The following NXPE1 variants were observed in gnomAD, a reference collection of about 807,000 sequenced individuals.
NXPE1 encodes the protein neurexophilin and PC-esterase domain family member 1.
Under a neutral mutation model 33.3 loss-of-function variants are expected in NXPE1, and 31 were observed. The observed-to-expected ratio is 0.93, with a 90% CI of 0.70 to 1.26. NXPE1 has a LOEUF of 1.26. Ranked by LOEUF, NXPE1 falls within the 50% of genes most tolerant of loss-of-function variation. The pLI, the probability that NXPE1 is intolerant of heterozygous loss-of-function variation, is 0.00. For missense variants in NXPE1, 661 were observed against 655.6 expected (o/e 1.01, Z -0.09); for synonymous variants, 229 against 231.4 (o/e 0.99, Z 0.09).
Position 114,526,282 on chromosome 11 carries a change from T to A in NXPE1, c.895+1558A>T, listed in dbSNP as rs200937910. ...ATCTGGACTACAGACTATAAGATGATATATTTTTGTTTTTTAAAGCCACTT... is the reference window on the plus strand; with the variant it reads ...ATCTGGACTACAGACTATAAGATGAAATATTTTTGTTTTTTAAAGCCACTT... On this transcript the variant is annotated intron_variant, in intron 7 of 8. Transcript: ENST00000534921. Among the ~76,000 whole-genome samples, 35 of 152,296 alleles carry A rather than the reference T, an allele frequency of 2.3e-4. No individual in the cohort carries two copies. The East Asian group carries it at 5.4e-3, about 23-fold the overall frequency.
At chr11:114,535,078 A>T (rs1947752205) in intron 5 of NXPE1, among the ~76,000 whole-genome samples, 1 of 152,210 alleles carries the variant, frequency 6.6e-6, no homozygotes, top group Non-Finnish European at 1.5e-5. Context: ...CTAACAGCTG[A>T]TCTCTTGCCA....
intron 5 of NXPE1, among the ~76,000 whole-genome samples, 188 bp from the exon 6 acceptor site, chr11:114,531,096 T>G (rs190466407): frequency 2.0e-5 from 3 of 151,812 alleles, no homozygotes; most frequent in Admixed American, 2.0e-4. Flanking sequence ...AATGAGATAT[T>G]ATGATGATGA....
At chr11:114,537,887 C>G (rs1234912545) in intron 5 of NXPE1, among the ~76,000 whole-genome samples, 1 of 152,082 alleles carries the variant, frequency 6.6e-6, no homozygotes, top group Non-Finnish European at 1.5e-5. Context: ...ATGCCATCCC[C>G]ATCAAGCTAC....
chr11:114,541,309 CAT>C (rs1391507407), intron 5 of NXPE1, among the ~76,000 whole-genome samples: 2 of 152,140 alleles, frequency 1.3e-5, no homozygotes, highest in African/African-American at 4.8e-5. Context: ...CCTGAGATAA[CAT>C]AGATGTTGGC....
intron 1 of NXPE1, chr11:114,554,430 G>A (rs1948602129): frequency 1.0e-6 from 1 of 957,850 alleles, no homozygotes. Context: ...AACATTCTTT[G>A]TGACATGGGC....
At chr11:114,548,092 A>C (rs149524435) in intron 5 of NXPE1, among the ~76,000 whole-genome samples, 242 of 152,306 alleles carry the variant, frequency 1.6e-3, no homozygotes, top group African/African-American at 5.4e-3. Context: ...AAAAGTATTA[A>C]GAGATGAAGC....
chr11:114,554,514 A>G (rs1948603669), intron 1 of NXPE1: 1 of 338,246 alleles, frequency 3.0e-6, no homozygotes, highest in Non-Finnish European at 4.2e-6. Context: ...ACAAAAGCCA[A>G]TTATACTGAG....
intron 5 of NXPE1, among the ~76,000 whole-genome samples, chr11:114,533,060 C>T (rs1342235922): frequency 6.6e-6 from 1 of 152,014 alleles, no homozygotes; most frequent in Non-Finnish European, 1.5e-5. Flanking sequence ...AATTAATGTT[C>T]AACATAACGT....
chr11:114,519,422 T>C (rs535315390), downstream of NXPE1, among the ~76,000 whole-genome samples: 12 of 152,302 alleles, frequency 7.9e-5, no homozygotes, highest in Admixed American at 2.6e-4. Context: ...AAGTTCTCTT[T>C]GGGGGAAAAA....
chr11:114,552,824 C>T (rs1403777305), intron 2 of NXPE1, 28 bp downstream of exon 2: 11 of 933,242 alleles, frequency 1.2e-5, no homozygotes, highest in African/African-American at 1.8e-5. Flanking sequence ...GATCTTTAAA[C>T]TTATTCTGTA....
chr11:114,534,931 C>G (rs954522711), intron 5 of NXPE1, among the ~76,000 whole-genome samples: 1 of 152,098 alleles, frequency 6.6e-6, no homozygotes, highest in African/African-American at 2.4e-5. Flanking sequence ...ATACAGAGAA[C>G]GCCACTAAGA....
At chr11:114,557,632 T>G (rs1948683251) in intron 1 of NXPE1, among the ~76,000 whole-genome samples, 1 of 47,756 alleles carries the variant, frequency 2.1e-5, no homozygotes, top group Admixed American at 3.5e-4. Flanking sequence ...TTATATATAA[T>G]ACATATATAT....
intron 5 of NXPE1, among the ~76,000 whole-genome samples, chr11:114,536,301 A>G (rs1947820461): frequency 1.3e-5 from 2 of 152,366 alleles, no homozygotes; most frequent in South Asian, 4.1e-4. Context: ...AGGGAAATTT[A>G]TAGCACTAAA....
intron 5 of NXPE1, among the ~76,000 whole-genome samples, chr11:114,540,954 A>G (rs1948078776): frequency 2.1e-5 from 3 of 140,838 alleles, no homozygotes; most frequent in Admixed American, 7.8e-5. Context: ...ATCCCAGAAC[A>G]GAGGCAGAGA....
At chr11:114,548,661 G>T (rs1948358866) in intron 5 of NXPE1, among the ~76,000 whole-genome samples, 5 of 151,846 alleles carry the variant, frequency 3.3e-5, no homozygotes, top group Admixed American at 3.3e-4. Context: ...ACAGCTAAAA[G>T]AATTATCAGT....
exon 3 of NXPE1, chr11:114,552,063 G>A (rs924228312): frequency 6.6e-6 from 1 of 152,196 alleles, no homozygotes; most frequent in African/African-American, 2.4e-5. Flanking sequence ...TTTTGAATCT[G>A]GATGCGCAGA....
chr11:114,540,837 CTTTTTTTTTTTTTTTTTTTTTTT>C (rs142403291), intron 5 of NXPE1, among the ~76,000 whole-genome samples: 64 of 47,466 alleles, frequency 1.3e-3, no homozygotes, highest in East Asian at 5.4e-3. Context: ...AGAAAGCCAT[CTTTTTTTTTTTTTTTTTTTTTTT>C]TTTTTTTTTT....
rs73568301 is a variant in NXPE1, at chr11:114,553,671, C to T, written c.-210-791G>A. On this transcript the variant is annotated intron_variant, in intron 1 of 8. Transcript: ENST00000534921. ...TATGGCCAGATAATCTCATTTATTC[C>T]GAAATCAATGTCTCACCTAGATTCT... is the stretch of plus-strand genomic sequence containing the variant. The T allele has an allele frequency of 6.9e-5, 67 of 971,200 alleles. No homozygotes were observed. The East Asian group carries it at 2.4e-3, about 35-fold the overall frequency. The allele number at this position is 971,200 out of a possible 1,614,324, so 60.2% of individuals were successfully genotyped here. A position where few individuals can be genotyped will look rare whatever the true frequency, so the allele number is the denominator to read the frequency against.
rs1450189352 is a variant in NXPE1 at position 114,549,033 on chromosome 11, C to T, written c.99+2070G>A. Among the ~76,000 whole-genome samples, 3 of 151,842 alleles carry T rather than the reference C, an allele frequency of 2.0e-5. No individual in the cohort carries two copies. The East Asian group carries it at 5.8e-4, about 29-fold the overall frequency. ...TGATTTTCACAATTTTAAGCAAATACATATGAGAATCTAGATAAAATGGAT... is the reference window on the plus strand; with the variant it reads ...TGATTTTCACAATTTTAAGCAAATATATATGAGAATCTAGATAAAATGGAT... On this transcript the variant is annotated intron_variant, in intron 5 of 8. Transcript: ENST00000534921.
Sources: gnomAD v4.1 joint callset for allele counts (sites outside exome capture counted in the v4.1 genomes callset) on GRCh38, gnomAD v4.1.1 for gene constraint, MANE v1.5 for transcripts, NCBI Gene and HGNC (gene_info 2026-07-23, HGNC 2026-07-21) for gene names.